Variants in AADAT observed in about 807,000 individuals in gnomAD.
AADAT encodes aminoadipate aminotransferase.
AADAT carries 25 observed loss-of-function variants against 56.2 expected under a neutral mutation model. The ratio of observed to expected loss-of-function variants is 0.44; its 90% confidence interval spans 0.32 to 0.62. The LOEUF is 0.62. Among genes scored for constraint, AADAT ranks in the 20% least tolerant of loss-of-function variants. The pLI, the probability that AADAT is intolerant of heterozygous loss-of-function variation, is 0.04. For synonymous variants in AADAT, 173 were observed against 164.7 expected, an observed-to-expected ratio of 1.05 and a Z score of -0.39; for missense variants, 387 against 510.5, an observed-to-expected ratio of 0.76 and a Z score of 2.33.
In AADAT at chr4:170,068,606, G is replaced by A. The variant is rs112229990; in HGVS notation, c.885C>T (p.Pro295=). The A allele has an allele frequency of 6.2e-7, 1 of 1,601,444 alleles. No individual in the cohort carries two copies. The highest frequency in any genetic ancestry group is 1.4e-5 in the African/African-American group (1 of 74,016). The change falls in exon 8 of 13, where the codon CCC becomes CCT. Residue 295 remains proline (P), a synonymous_variant. Transcript: ENST00000337664. ...ILHIQVSTLH[P]STFNQLMISQ... ...TTGTCCTTACCTGGTTAAAAGTGCT[G>A]GGGTGCAATGTTGAAACTTGTATGT... is the stretch of plus-strand genomic sequence containing the variant.
At position 170,061,882 on chromosome 4, in the gene AADAT, C is replaced by G. The variant is rs369053395; in HGVS notation, c.1236+10G>C. The G allele has an allele frequency of 1.2e-5, 20 of 1,601,830 alleles. No individual in the cohort carries two copies. The highest frequency in any genetic ancestry group is 1.5e-5 in the Non-Finnish European group (17 of 1,170,506). On this transcript the variant is annotated intron_variant, in intron 12 of 12. Coordinates refer to ENST00000337664, the MANE Select transcript of AADAT (RefSeq NM_016228.4). Reference sequence around the variant, plus strand: ...AGCTAGTGTTACTCTGAGGAGAATACTACACTCACCACATCCATCTGTTCT... The same window carrying G: ...AGCTAGTGTTACTCTGAGGAGAATAGTACACTCACCACATCCATCTGTTCT...
chr4:170,075,420 A>G (rs1306818283), intron 4 of AADAT, among the ~76,000 whole-genome samples: 1 of 152,158 alleles, frequency 6.6e-6, no homozygotes, highest in Non-Finnish European at 1.5e-5. Flanking sequence ...CTGTAACACC[A>G]TGCTCCTGGG....
Position 170,089,923 on chromosome 4 carries a change from C to A in AADAT, c.-233G>T. Reference sequence around the variant, plus strand: ...CCTAAACGGGTCTGGGGCTGTGTGGCGAGCCCGGCAAAGTCCACGCCGCAC... The same window carrying A: ...CCTAAACGGGTCTGGGGCTGTGTGGAGAGCCCGGCAAAGTCCACGCCGCAC... On this transcript the variant is annotated 5_prime_UTR_variant, in exon 1 of 13. Coordinates refer to ENST00000337664, the MANE Select transcript of AADAT (RefSeq NM_016228.4). The A allele has an allele frequency of 2.3e-6, 1 of 436,536 alleles. No homozygotes were observed. The allele number at this position is 436,536 out of a possible 1,614,324, so 27.0% of individuals were successfully genotyped here.
chr4:170,074,307 G>C (rs576409725), intron 4 of AADAT, among the ~76,000 whole-genome samples: 88 of 152,152 alleles, frequency 5.8e-4, no homozygotes, highest in African/African-American at 2.1e-3. Flanking sequence ...CTGTCACCCA[G>C]GTACTGAGCA....
chr4:170,081,763 C>T (rs949570126), intron 3 of AADAT, among the ~76,000 whole-genome samples: 2 of 152,128 alleles, frequency 1.3e-5, no homozygotes, highest in Non-Finnish European at 2.9e-5. Flanking sequence ...TGGGCTCGAA[C>T]TCCTGGCCTC....
At chr4:170,072,086 T>C (rs1731792760) in intron 5 of AADAT, among the ~76,000 whole-genome samples, 1 of 152,088 alleles carries the variant, frequency 6.6e-6, no homozygotes, top group Non-Finnish European at 1.5e-5. Flanking sequence ...GGCCAGGCAA[T>C]GTGCCGGTCA....
At chr4:170,086,332 T>C (rs1732559815) in intron 3 of AADAT, among the ~76,000 whole-genome samples, 2 of 151,634 alleles carry the variant, frequency 1.3e-5, no homozygotes, top group Non-Finnish European at 2.9e-5. Context: ...TAACCAGTGG[T>C]GTTTACATCT....
intron 5 of AADAT, among the ~76,000 whole-genome samples, chr4:170,072,091 C>T (rs535984113): frequency 1.1e-4 from 17 of 151,886 alleles, no homozygotes; most frequent in African/African-American, 3.1e-4. Flanking sequence ...GGCAATGTGC[C>T]GGTCATCGTG....
intron 1 of AADAT, 75 bp from the exon 2 acceptor site, chr4:170,088,639 G>A: frequency 6.9e-7 from 1 of 1,446,086 alleles, no homozygotes; most frequent in Non-Finnish European, 9.6e-7. Context: ...ATGCATTATA[G>A]TCAATAAAAC....
At chr4:170,077,290 T>C (rs1732088045) in intron 4 of AADAT, among the ~76,000 whole-genome samples, 1 of 152,216 alleles carries the variant, frequency 6.6e-6, no homozygotes, top group South Asian at 2.1e-4. Flanking sequence ...GTAGTATTAA[T>C]ATCTTAACAA....
At chr4:170,088,615 G>A (rs755350911) in intron 1 of AADAT, 51 bp from the exon 2 acceptor site, 6 of 1,555,088 alleles carry the variant, frequency 3.9e-6, no homozygotes, top group Non-Finnish European at 5.3e-6. Context: ...ATTGTTATAA[G>A]CGGATAGTTA....
chr4:170,078,648 A>C, intron 3 of AADAT, 65 bp from the exon 4 acceptor site: 1 of 1,172,810 alleles, frequency 8.5e-7, no homozygotes, highest in Middle Eastern at 2.0e-4. Flanking sequence ...CATGCTCAGA[A>C]GCCCATTTTT....
At chr4:170,094,223 A>G (rs535445967), upstream of AADAT, among the ~76,000 whole-genome samples, 2 of 152,362 alleles carry the variant, frequency 1.3e-5, no homozygotes, top group Admixed American at 1.3e-4. Context: ...AAGGCAGAAT[A>G]TAGTCACAGT....
intron 3 of AADAT, among the ~76,000 whole-genome samples, chr4:170,079,228 G>A (rs1192580916): frequency 1.3e-5 from 2 of 152,200 alleles, no homozygotes; most frequent in South Asian, 2.1e-4. Flanking sequence ...TGGAGGAAGC[G>A]ATGAGTTGGT....
chr4:170,087,354 A>G (rs1732614632), intron 2 of AADAT, 106 bp from the exon 3 acceptor site: 2 of 1,053,192 alleles, frequency 1.9e-6, no homozygotes, highest in African/African-American at 3.3e-5. Context: ...TGTACACTCA[A>G]TTAAAAAACC....
rs770317871 is a variant in AADAT, at chr4:170,068,624, T to C, written c.867A>G (p.Gln289=). ...PLIERVILHI[Q]VSTLHPSTFN... is the part of the protein sequence containing the mutation. ...AAGTGCTGGGGTGCAATGTTGAAAC[T>C]TGTATGTGTAAAATAACTCTCTCTA... is the stretch of plus-strand genomic sequence containing the variant. The change falls in exon 8 of 13, where the codon CAA becomes CAG. Residue 289 remains glutamine (Q), a synonymous_variant. Coordinates refer to ENST00000337664, the MANE Select transcript of AADAT (RefSeq NM_016228.4). 6 of 1,607,872 alleles carry C rather than the reference T, an allele frequency of 3.7e-6. No individual in the cohort carries two copies. The highest frequency in any genetic ancestry group is 5.1e-6 in the Non-Finnish European group (6 of 1,178,840).
chr4:170,065,869 G>T (rs2111148021), intron 10 of AADAT, among the ~76,000 whole-genome samples: 1 of 151,928 alleles, frequency 6.6e-6, no homozygotes, highest in African/African-American at 2.4e-5. Flanking sequence ...TGCTATTTTT[G>T]GTTTACTATT....
chr4:170,077,526 AT>A (rs1437285475), intron 4 of AADAT, among the ~76,000 whole-genome samples: 11 of 152,210 alleles, frequency 7.2e-5, no homozygotes, highest in Admixed American at 5.9e-4. Flanking sequence ...TTTGAAAAAA[AT>A]AAAAGGATCC....
At chr4:170,065,589 C>T (rs1731418244) in intron 10 of AADAT, among the ~76,000 whole-genome samples, 1 of 152,008 alleles carries the variant, frequency 6.6e-6, no homozygotes. Flanking sequence ...CCACCTCTGC[C>T]TTCCAGGTTC....
Sources: gnomAD v4.1 joint callset for allele counts (sites outside exome capture counted in the v4.1 genomes callset) on GRCh38, gnomAD v4.1.1 for gene constraint, MANE v1.5 for transcripts, NCBI Gene and HGNC (gene_info 2026-07-23, HGNC 2026-07-21) for gene names.